The following CTBP2 variants were observed in gnomAD, a reference collection of about 807,000 sequenced individuals.
CTBP2 encodes C-terminal-binding protein 2.
A neutral mutation model predicts 80.3 loss-of-function variants in CTBP2; 30 were observed. The observed-to-expected ratio is 0.37, with a 90% CI of 0.28 to 0.51. The LOEUF (loss-of-function observed/expected upper bound fraction) is 0.51, where lower values mean the gene tolerates loss of function less well. CTBP2 is among the 20% of genes least tolerant of loss of function. CTBP2 has a pLI of 0.93. For synonymous variants in CTBP2, 594 were observed against 587.4 expected (o/e 1.01, Z -0.16); for missense variants, 1,212 against 1,375.3 (o/e 0.88, Z 1.88).
intron 1 of CTBP2, among the ~76,000 whole-genome samples, chr10:125,151,363 G>A (rs919375441): frequency 2.6e-5 from 4 of 152,140 alleles, no homozygotes; most frequent in African/African-American, 9.7e-5. Context: ...GCGCGCAAAT[G>A]TCACTCGTCC....
chr10:125,151,514 G>A (rs12415830), intron 1 of CTBP2, among the ~76,000 whole-genome samples: 1 of 152,184 alleles, frequency 6.6e-6, no homozygotes, highest in Non-Finnish European at 1.5e-5. Context: ...CACTGCCCAG[G>A]AGACGAGATC....
chr10:125,154,647 G>A (rs566339108), intron 1 of CTBP2, among the ~76,000 whole-genome samples: 6 of 68,628 alleles, frequency 8.7e-5, no homozygotes, highest in Middle Eastern at 6.9e-3. Flanking sequence ...ACCGAGTGTC[G>A]TTGCTAAAAA....
intron 1 of CTBP2, among the ~76,000 whole-genome samples, chr10:125,130,022 T>C (rs373396620): frequency 1.4e-4 from 21 of 148,876 alleles, no homozygotes; most frequent in African/African-American, 5.2e-4. Flanking sequence ...CCCCCAGGTA[T>C]AGCCCACAGG....
intron 2 of CTBP2, among the ~76,000 whole-genome samples, chr10:125,059,397 A>G (rs1025917456): frequency 1.3e-5 from 2 of 152,124 alleles, no homozygotes; most frequent in African/African-American, 2.4e-5. Context: ...CCTGGCCAAC[A>G]TAGCAAAACC....
intron 3 of CTBP2, among the ~76,000 whole-genome samples, chr10:125,033,518 C>T (rs1429705937): frequency 6.6e-6 from 1 of 152,220 alleles, no homozygotes. Flanking sequence ...CAAAATGTAT[C>T]TTGGGGTTCT....
intron 2 of CTBP2, among the ~76,000 whole-genome samples, chr10:125,097,576 C>T (rs1266640633): frequency 6.6e-6 from 1 of 152,140 alleles, no homozygotes; most frequent in Non-Finnish European, 1.5e-5. Context: ...CTGCTACAGG[C>T]GCGCCTTAGG....
chr10:125,014,144 G>T (rs760858350), intron 1 of CTBP2, among the ~76,000 whole-genome samples: 52 of 152,206 alleles, frequency 3.4e-4, no homozygotes, highest in Non-Finnish European at 6.3e-4. Context: ...GACGCCACAG[G>T]ATAGTAACAC....
chr10:125,008,082 G>C (rs1022935721), intron 1 of CTBP2, among the ~76,000 whole-genome samples: 1 of 152,112 alleles, frequency 6.6e-6, no homozygotes, highest in Non-Finnish European at 1.5e-5. Flanking sequence ...AAATAGCTGA[G>C]ACTACAGGCA....
chr10:124,998,567 G>C (rs1953984704), intron 3 of CTBP2: 1 of 275,486 alleles, frequency 3.6e-6, no homozygotes, highest in Non-Finnish European at 7.0e-6. Context: ...AAACCCCTCA[G>C]GGTCTCCCTC....
intron 1 of CTBP2, among the ~76,000 whole-genome samples, chr10:125,139,656 C>G (rs1354021367): frequency 2.0e-5 from 3 of 152,164 alleles, no homozygotes; most frequent in African/African-American, 7.2e-5. Flanking sequence ...GCTGGAGGGG[C>G]TCTCAACTCA....
intron 1 of CTBP2, among the ~76,000 whole-genome samples, chr10:125,022,831 G>A (rs559909990): frequency 3.3e-5 from 5 of 152,358 alleles, no homozygotes; most frequent in African/African-American, 7.2e-5. Flanking sequence ...AGAGCAGTGC[G>A]TCCTCTGCCC....
chr10:125,151,704 G>A (rs1022985899), intron 1 of CTBP2, among the ~76,000 whole-genome samples: 2 of 152,200 alleles, frequency 1.3e-5, no homozygotes, highest in African/African-American at 4.8e-5. Context: ...CCAGGTCCCC[G>A]CCCCTGCTCT....
At chr10:125,160,645 C>A (rs1861792658), upstream of CTBP2, 1 of 105,698 alleles carries the variant, frequency 9.5e-6, no homozygotes, top group Non-Finnish European at 2.0e-5. Context: ...CCTACCCCTC[C>A]CTTCCCTTCC....
At chr10:125,126,921 A>ACATT (rs1252064597) in intron 1 of CTBP2, among the ~76,000 whole-genome samples, 3 of 146,512 alleles carry the variant, frequency 2.0e-5, no homozygotes, top group African/African-American at 7.7e-5. Context: ...ATACACACAC[A>ACATT]CATTCTCTCT....
chr10:125,021,547 T>C (rs1957036638), intron 1 of CTBP2, among the ~76,000 whole-genome samples: 1 of 144,904 alleles, frequency 6.9e-6, no homozygotes, highest in Non-Finnish European at 1.5e-5. Context: ...TTCAGTCTGG[T>C]AAGGGGGCAC....
exon 1 of CTBP2, chr10:125,160,365 AGGC>A (rs1408045144): frequency 2.0e-5 from 3 of 152,002 alleles, no homozygotes; most frequent in East Asian, 2.0e-4. Context: ...CCCACCCTGG[AGGC>A]GGCGGCGGCG....
chr10:125,021,039 G>A (rs536425021), intron 1 of CTBP2, among the ~76,000 whole-genome samples: 15 of 152,272 alleles, frequency 9.9e-5, no homozygotes, highest in Non-Finnish European at 1.8e-4. Context: ...CTCACCCCAC[G>A]TCCTCCATGG....
At chr10:125,074,355 T>A (rs996656280) in intron 2 of CTBP2, among the ~76,000 whole-genome samples, 1 of 152,152 alleles carries the variant, frequency 6.6e-6, no homozygotes, top group Non-Finnish European at 1.5e-5. Context: ...ACTGTCTTTT[T>A]TTCTTTCTTT....
intron 2 of CTBP2, among the ~76,000 whole-genome samples, chr10:125,064,439 C>T (rs994186153): frequency 4.6e-5 from 7 of 152,188 alleles, no homozygotes; most frequent in South Asian, 4.2e-4. Flanking sequence ...GGGGAAACAG[C>T]GTTCTTGGTG....
Sources: allele counts gnomAD v4.1 joint callset (sites outside exome capture counted in the v4.1 genomes callset), GRCh38; gene constraint gnomAD v4.1.1; transcripts MANE v1.5; gene names NCBI Gene and HGNC (gene_info 2026-07-23, HGNC 2026-07-21).